SLC35D2: variants seen among roughly 807,000 people sequenced by gnomAD.
SLC35D2 encodes nucleotide sugar transporter SLC35D2.
A neutral mutation model predicts 41.8 loss-of-function variants in SLC35D2; 43 were observed. The observed-to-expected ratio is 1.03, with a 90% CI of 0.81 to 1.33. The LOEUF is 1.33. SLC35D2 is among the 40% of genes most tolerant of loss of function. SLC35D2 has a pLI of 0.00. For missense variants in SLC35D2, 380 were observed against 408.4 expected, an observed-to-expected ratio of 0.93 and a Z score of 0.60; for synonymous variants, 150 against 163.9, an observed-to-expected ratio of 0.92 and a Z score of 0.65.
At chr9:96,340,568 C>T (rs1298445477) in intron 8 of SLC35D2, among the ~76,000 whole-genome samples, 1 of 119,396 alleles carries the variant, frequency 8.4e-6, no homozygotes, top group African/African-American at 3.3e-5. Context: ...TGCAGTGAGT[C>T]GAGATCATGC....
chr9:96,349,229 C>T (rs13296629), intron 6 of SLC35D2, among the ~76,000 whole-genome samples: 3,974 of 152,284 alleles, frequency 0.026, 74 homozygotes, highest in Middle Eastern at 0.054. Flanking sequence ...GCAGAGAAGA[C>T]AAGGAATGCA....
At position 96,338,005 on chromosome 9, in the gene SLC35D2, A is replaced by AAG. The variant is rs373089900; in HGVS notation, c.685-1222_685-1221insCT. On this transcript the variant is annotated intron_variant, in intron 8 of 11. Transcript: ENST00000253270. ...TCAAAAAAAAAAAAAAAAAAAAAAA[A>AAG]CTCAATTTCTGCTCTCCAGGAATTT... Among the ~76,000 whole-genome samples, 1,033 of 104,440 alleles carry AAG rather than the reference A, an allele frequency of 9.9e-3. 59 individuals are homozygous for AAG. Among genetic ancestry groups the AAG allele is most frequent in the East Asian group, 0.019 (51 of 2,712 alleles). 68.5% of individuals were successfully genotyped at this position (104,440 alleles called of 152,430 possible).
Position 96,368,267 on chromosome 9 carries a change from C to T in SLC35D2, c.192+5G>A. Reference sequence around the variant, plus strand: ...AAGAGGTTAATTCTATTTTTTTTCACTCACCTGTCCAATTCCAAGGAAAAT... The same window carrying T: ...AAGAGGTTAATTCTATTTTTTTTCATTCACCTGTCCAATTCCAAGGAAAAT... On this transcript the variant is annotated splice_donor_5th_base_variant and intron_variant, in intron 2 of 11. Transcript: ENST00000253270. The T allele has an allele frequency of 6.3e-7, 1 of 1,598,758 alleles. No homozygotes were observed. Among genetic ancestry groups the T allele is most frequent in the Non-Finnish European group, 8.5e-7 (1 of 1,169,918 alleles).
intron 3 of SLC35D2, among the ~76,000 whole-genome samples, chr9:96,362,085 A>G (rs1294802091): frequency 6.6e-6 from 1 of 152,262 alleles, no homozygotes. Context: ...AAAATAAAAG[A>G]ATACAGCCAC....
intron 9 of SLC35D2, among the ~76,000 whole-genome samples, chr9:96,333,617 A>AG (rs1184691099): frequency 6.7e-6 from 1 of 148,984 alleles, no homozygotes; most frequent in Non-Finnish European, 1.5e-5. Flanking sequence ...AAAAAAAAAA[A>AG]GTATGCAATT....
At chr9:96,336,096 C>A (rs1829040838) in intron 9 of SLC35D2, among the ~76,000 whole-genome samples, 1 of 151,244 alleles carries the variant, frequency 6.6e-6, no homozygotes, top group African/African-American at 2.4e-5. Flanking sequence ...AACAAAAAAG[C>A]CTAACTGTTG....
chr9:96,363,626 ACTG>A (rs1333728098), intron 3 of SLC35D2, among the ~76,000 whole-genome samples: 2 of 152,164 alleles, frequency 1.3e-5, no homozygotes, highest in African/African-American at 4.8e-5. Flanking sequence ...GACGGAAAAA[ACTG>A]CGTATTTCTA....
chr9:96,355,949 G>A (rs1830004298), intron 4 of SLC35D2, among the ~76,000 whole-genome samples: 1 of 152,238 alleles, frequency 6.6e-6, no homozygotes, highest in Non-Finnish European at 1.5e-5. Flanking sequence ...GCTACAGTTT[G>A]GATATCTGAC....
At chr9:96,317,482 C>A (rs1485903810), downstream of SLC35D2, among the ~76,000 whole-genome samples, 1 of 152,126 alleles carries the variant, frequency 6.6e-6, no homozygotes, top group Non-Finnish European at 1.5e-5. Context: ...TTTAGCTGTA[C>A]AGCAAACATT....
intron 10 of SLC35D2, among the ~76,000 whole-genome samples, chr9:96,322,725 T>TTTG (rs1828307276): frequency 2.1e-5 from 3 of 143,598 alleles, no homozygotes; most frequent in African/African-American, 7.9e-5. Flanking sequence ...GGGTTTTTTT[T>TTTG]TTTTTTTTTT....
chr9:96,322,513 T>C (rs559315694), intron 10 of SLC35D2, among the ~76,000 whole-genome samples: 1 of 152,150 alleles, frequency 6.6e-6, no homozygotes, highest in East Asian at 1.9e-4. Flanking sequence ...AGCAAGACCC[T>C]GCCTCAGAAA....
chr9:96,332,088 A>T (rs977277042), intron 9 of SLC35D2, among the ~76,000 whole-genome samples: 3 of 152,176 alleles, frequency 2.0e-5, no homozygotes, highest in Non-Finnish European at 2.9e-5. Context: ...TCGGCTTCTT[A>T]ACAAAACATT....
rs779619448 is a variant in SLC35D2, at chr9:96,351,197, G to A, written c.420-26C>T. The A allele has an allele frequency of 2.7e-6, 4 of 1,475,434 alleles. No homozygotes were observed. In the African/African-American group the frequency reaches 4.2e-5, roughly 15 times the overall value. 91.4% of individuals were successfully genotyped at this position (1,475,434 alleles called of 1,614,324 possible). A position where few individuals can be genotyped will look rare whatever the true frequency, so the allele number is the denominator to read the frequency against. Reference sequence around the variant, plus strand: ...CTGTAATAAATACACAAATAAGAAAGGAAAGGGAGCAGAGAGGAAAACATT... The same window carrying A: ...CTGTAATAAATACACAAATAAGAAAAGAAAGGGAGCAGAGAGGAAAACATT... On this transcript the variant is annotated intron_variant, in intron 5 of 11. Coordinates refer to ENST00000253270, the MANE Select transcript of SLC35D2 (RefSeq NM_007001.3).
intron 9 of SLC35D2, among the ~76,000 whole-genome samples, chr9:96,334,832 C>T (rs994168452): frequency 6.6e-5 from 10 of 152,046 alleles, no homozygotes; most frequent in Non-Finnish European, 1.2e-4. Flanking sequence ...ATAAAAGGCA[C>T]AGTCACAAGG....
chr9:96,372,022 A>G (rs67193577), intron 1 of SLC35D2, among the ~76,000 whole-genome samples: 4,253 of 152,244 alleles, frequency 0.028, 75 homozygotes, highest in Middle Eastern at 0.058. Flanking sequence ...CACCGCGCCC[A>G]GCCTGGTTAA....
At chr9:96,323,025 T>TC (rs111734069) in intron 10 of SLC35D2, among the ~76,000 whole-genome samples, 60 of 147,308 alleles carry the variant, frequency 4.1e-4, no homozygotes, top group African/African-American at 1.5e-3. Context: ...GGTTTTTCTT[T>TC]TTTTTTTTTT....
chr9:96,322,660 C>T (rs1011902498), intron 10 of SLC35D2, among the ~76,000 whole-genome samples: 1 of 151,318 alleles, frequency 6.6e-6, no homozygotes, highest in Non-Finnish European at 1.5e-5. Context: ...GTGGGGCTGT[C>T]ATCAGCTTGC....
chr9:96,351,047 G>T, intron 6 of SLC35D2, 56 bp downstream of exon 6: 1 of 1,260,576 alleles, frequency 7.9e-7, no homozygotes. Context: ...GATGGGGCTG[G>T]GCCTATTGTC....
downstream of SLC35D2, among the ~76,000 whole-genome samples, chr9:96,319,355 A>C (rs1480785617): frequency 6.6e-6 from 1 of 152,088 alleles, no homozygotes. Flanking sequence ...GGGAAATGGG[A>C]GTTCTTGTTT....
Sources: gnomAD v4.1 joint callset for allele counts (sites outside exome capture counted in the v4.1 genomes callset) on GRCh38, gnomAD v4.1.1 for gene constraint, MANE v1.5 for transcripts, NCBI Gene and HGNC (gene_info 2026-07-23, HGNC 2026-07-21) for gene names.